RIGI: variants seen among roughly 807,000 people sequenced by gnomAD.
RIGI encodes the protein RNA sensor RIG-I.
At chr9:32,459,870 C>T in the RIGI span, among the ~76,000 whole-genome samples, 2 of 152,192 alleles carry the variant, frequency 1.3e-5, no homozygotes, top group Non-Finnish European at 2.9e-5. Context: ...ACAATATGCG[C>T]TGTTTCAGGC....
At chr9:32,514,325 CA>C in the RIGI span, among the ~76,000 whole-genome samples, 1 of 152,100 alleles carries the variant, frequency 6.6e-6, no homozygotes, top group African/African-American at 2.4e-5. Flanking sequence ...GGAACCAACC[CA>C]AATGCCCATC....
chr9:32,493,864 A>G, the RIGI span: 1 of 1,611,202 alleles, frequency 6.2e-7, no homozygotes, highest in Non-Finnish European at 8.5e-7. Context: ...TAAACGTTTT[A>G]AAAGTAATCT....
chr9:32,468,178 G>T, the RIGI span, among the ~76,000 whole-genome samples: 3 of 152,332 alleles, frequency 2.0e-5, no homozygotes, highest in South Asian at 2.1e-4. Context: ...AGCTCTGGGG[G>T]ACTTACTAGT....
At chr9:32,501,446 C>T in the RIGI span, among the ~76,000 whole-genome samples, 56,353 of 151,900 alleles carry the variant, frequency 0.37, 11,685 homozygotes, top group South Asian at 0.51. Context: ...TCAAGGTTCC[C>T]GTAAGCTATG....
chr9:32,455,396 C>T, the RIGI span, among the ~76,000 whole-genome samples: 1 of 152,154 alleles, frequency 6.6e-6, no homozygotes, highest in African/African-American at 2.4e-5. Flanking sequence ...GGGAAGCAGG[C>T]AAGTCTTACA....
chr9:32,457,059 A>T, the RIGI span: 1 of 1,275,902 alleles, frequency 7.8e-7, no homozygotes, highest in South Asian at 1.3e-5. Context: ...TATACCCACT[A>T]TGTTTGTTTC....
chr9:32,521,531 T>C, the RIGI span, among the ~76,000 whole-genome samples: 14 of 152,334 alleles, frequency 9.2e-5, no homozygotes, highest in East Asian at 2.7e-3. Flanking sequence ...AAATCTTTGA[T>C]ACTGACAGAC....
chr9:32,526,193 G>C, the RIGI span: 6 of 1,586,668 alleles, frequency 3.8e-6, no homozygotes, highest in Non-Finnish European at 5.2e-6. Flanking sequence ...AGCTAGCTAC[G>C]TTCCCCGCAG....
chr9:32,481,020 C>A, the RIGI span, among the ~76,000 whole-genome samples: 1 of 152,304 alleles, frequency 6.6e-6, no homozygotes, highest in South Asian at 2.1e-4. Context: ...GATGCTGTCA[C>A]TGGACTGGTC....
chr9:32,504,950 ATATAT>A, the RIGI span, among the ~76,000 whole-genome samples: 54,330 of 134,738 alleles, frequency 0.4, 11,966 homozygotes, highest in South Asian at 0.52. Context: ...ATTTAAACAT[ATATAT>A]TATATATTTA....
the RIGI span, among the ~76,000 whole-genome samples, chr9:32,507,427 C>T: frequency 1.3e-5 from 2 of 151,974 alleles, no homozygotes; most frequent in Non-Finnish European, 2.9e-5. Context: ...ATTTATCTGA[C>T]TTAGCAGTAC....
chr9:32,471,993 G>T, the RIGI span, among the ~76,000 whole-genome samples: 1 of 152,090 alleles, frequency 6.6e-6, no homozygotes, highest in African/African-American at 2.4e-5. Context: ...TAAATAGGAA[G>T]ACTTGTCAGT....
chr9:32,497,703 C>T, the RIGI span, among the ~76,000 whole-genome samples: 6 of 152,294 alleles, frequency 3.9e-5, no homozygotes, highest in South Asian at 2.1e-4. Context: ...GCCGAGATTG[C>T]GCCACTGCAC....
At chr9:32,466,290 C>G in the RIGI span, 2 of 1,613,180 alleles carry the variant, frequency 1.2e-6, no homozygotes, top group South Asian at 1.1e-5. Flanking sequence ...GTAGACTTAC[C>G]TTTTCCCTAA....
chr9:32,457,009 T>G, the RIGI span: 1 of 802,256 alleles, frequency 1.2e-6, no homozygotes, highest in Non-Finnish European at 2.0e-6. Context: ...AAGATATTTT[T>G]AAAAAATATA....
chr9:32,475,136 G>A, the RIGI span, among the ~76,000 whole-genome samples: 1 of 151,916 alleles, frequency 6.6e-6, no homozygotes, highest in South Asian at 2.1e-4. Context: ...ATTTTTAGTA[G>A]AGACAGGGTT....
At chr9:32,464,103 A>G in the RIGI span, among the ~76,000 whole-genome samples, 2 of 151,732 alleles carry the variant, frequency 1.3e-5, no homozygotes, top group Non-Finnish European at 2.9e-5. Flanking sequence ...GACAATGGAC[A>G]GTACAGCTGG....
the RIGI span, among the ~76,000 whole-genome samples, chr9:32,483,892 A>C: frequency 6.6e-6 from 1 of 151,640 alleles, no homozygotes; most frequent in South Asian, 2.1e-4. Context: ...TATCACCCCC[A>C]CCACACCAGC....
the RIGI span, among the ~76,000 whole-genome samples, chr9:32,522,357 T>C: frequency 6.6e-6 from 1 of 152,238 alleles, no homozygotes; most frequent in African/African-American, 2.4e-5. Flanking sequence ...ATTTATAAAC[T>C]ATTTGTGAAT....
Sources: gnomAD v4.1 joint callset for allele counts (sites outside exome capture counted in the v4.1 genomes callset) on GRCh38, gnomAD v4.1.1 for gene constraint, MANE v1.5 for transcripts, NCBI Gene and HGNC (gene_info 2026-07-23, HGNC 2026-07-21) for gene names.